ZNF43: variants seen among roughly 807,000 people sequenced by gnomAD.
The protein encoded by ZNF43 is zinc finger protein 43, also known as zinc finger protein 39-like 1 (KOX 27).
A neutral mutation model predicts 68.4 loss-of-function variants in ZNF43; 44 were observed. That is an observed-to-expected ratio of 0.64 (90% CI 0.51 to 0.83). ZNF43 has a LOEUF of 0.83. ZNF43 is among the 40% of genes least tolerant of loss of function. The pLI, the probability that ZNF43 is intolerant of heterozygous loss-of-function variation, is 0.00. For synonymous variants in ZNF43, 308 were observed against 307.8 expected, an observed-to-expected ratio of 1.00 and a Z score of -0.01; for missense variants, 896 against 933.2, an observed-to-expected ratio of 0.96 and a Z score of 0.52.
At chr19:21,826,497 G>A (rs1157944649) in intron 1 of ZNF43, 1 of 152,156 alleles carries the variant, frequency 6.6e-6, no homozygotes, top group African/African-American at 2.4e-5. Flanking sequence ...CTAAGCCTGA[G>A]CAGTGATTCA....
chr19:21,812,744 A>T (rs1352083134), intron 3 of ZNF43, among the ~76,000 whole-genome samples: 1 of 152,108 alleles, frequency 6.6e-6, no homozygotes, highest in Non-Finnish European at 1.5e-5. Context: ...ATAGGTCAGA[A>T]GTTCGAGATC....
chr19:21,828,804 C>G (rs1051891027), intron 1 of ZNF43, among the ~76,000 whole-genome samples: 22 of 150,518 alleles, frequency 1.5e-4, no homozygotes, highest in East Asian at 7.9e-4. Context: ...GAGGCCGCAG[C>G]GAGCAGATCA....
intron 1 of ZNF43, among the ~76,000 whole-genome samples, chr19:21,822,070 C>A (rs2037871551): frequency 7.5e-6 from 1 of 132,582 alleles, no homozygotes; most frequent in Admixed American, 7.7e-5. Context: ...CCAAGACCTG[C>A]AGAAAAAGTT....
chr19:21,819,892 G>A (rs767391632), intron 1 of ZNF43, among the ~76,000 whole-genome samples: 1 of 152,068 alleles, frequency 6.6e-6, no homozygotes, highest in Non-Finnish European at 1.5e-5. Flanking sequence ...ACGTACATCA[G>A]TTGCATAAAG....
At chr19:21,823,208 T>C (rs1403435487) in intron 1 of ZNF43, among the ~76,000 whole-genome samples, 2 of 152,208 alleles carry the variant, frequency 1.3e-5, no homozygotes, top group African/African-American at 2.4e-5. Context: ...ATCCAGTTGC[T>C]AGCCTAGACT....
intron 1 of ZNF43, among the ~76,000 whole-genome samples, chr19:21,834,858 A>G (rs1245461278): frequency 2.0e-5 from 3 of 152,016 alleles, no homozygotes; most frequent in African/African-American, 7.2e-5. Flanking sequence ...TTTTCAAAAA[A>G]TAATTAAAAT....
upstream of ZNF43, among the ~76,000 whole-genome samples, chr19:21,838,558 C>T (rs1367960537): frequency 6.6e-6 from 1 of 152,034 alleles, no homozygotes; most frequent in African/African-American, 2.4e-5. Context: ...CGCTACCACA[C>T]CTGGCTAATT....
Position 21,806,542 on chromosome 19 carries a change from T to C in ZNF43, c.*1065A>G, listed in dbSNP as rs1259279549. The stretch of plus-strand genomic sequence containing the variant: ...GCCCACCTAATAAAAGAATCTCTCA[T>C]ATCTTTGGTGCAGCAACAATTGGTC... On this transcript the variant is annotated 3_prime_UTR_variant, in exon 4 of 4. Transcript: ENST00000354959. 1 of 152,184 alleles carries C rather than the reference T, an allele frequency of 6.6e-6. No individual in the cohort carries two copies. The highest frequency in any genetic ancestry group is 1.5e-5 in the Non-Finnish European group (1 of 68,030). 9.4% of individuals were successfully genotyped at this position (152,184 alleles called of 1,614,324 possible). A position where few individuals can be genotyped will look rare whatever the true frequency, so the allele number is the denominator to read the frequency against.
At chr19:21,830,634 A>C (rs1396962830) in intron 1 of ZNF43, among the ~76,000 whole-genome samples, 1 of 151,808 alleles carries the variant, frequency 6.6e-6, no homozygotes, top group Admixed American at 6.6e-5. Flanking sequence ...GAAACCAATA[A>C]AAAACCAGAA....
upstream of ZNF43, among the ~76,000 whole-genome samples, chr19:21,836,392 A>C (rs1228152470): frequency 1.3e-5 from 2 of 152,256 alleles, no homozygotes; most frequent in African/African-American, 4.8e-5. Context: ...CTCCCTGAGC[A>C]GAGCAGGCCC....
chr19:21,839,823 AAAC>A (rs537550529), upstream of ZNF43: 1 of 152,354 alleles, frequency 6.6e-6, no homozygotes, highest in South Asian at 2.1e-4. Flanking sequence ...GTTCTGGGCC[AAAC>A]AATATGTCAC....
chr19:21,820,573 G>A (rs2037773198), intron 1 of ZNF43, among the ~76,000 whole-genome samples: 1 of 147,056 alleles, frequency 6.8e-6, no homozygotes, highest in Non-Finnish European at 1.5e-5. Flanking sequence ...GAAAGACTCT[G>A]TCTCAAAAAA....
At chr19:21,823,096 A>C (rs1185478595) in intron 1 of ZNF43, among the ~76,000 whole-genome samples, 2 of 152,242 alleles carry the variant, frequency 1.3e-5, no homozygotes, top group Non-Finnish European at 2.9e-5. Context: ...TGATGATATC[A>C]GAAGTCAGAA....
intron 1 of ZNF43, among the ~76,000 whole-genome samples, chr19:21,821,138 A>AT (rs74174043): frequency 0.044 from 5,232 of 118,482 alleles, 264 homozygotes; most frequent in African/African-American, 0.11. Flanking sequence ...CCCGGCTGTA[A>AT]TTTTTTTTTT....
chr19:21,818,955 C>G, intron 2 of ZNF43, 140 bp downstream of exon 2: 1 of 1,230,676 alleles, frequency 8.1e-7, no homozygotes, highest in Non-Finnish European at 1.1e-6. Context: ...CTTTAGTGCG[C>G]CAACAAATCC....
rs1189066407 is a variant in ZNF43 at position 21,806,154 on chromosome 19, AT to A, written c.*1452del. On this transcript the variant is annotated 3_prime_UTR_variant, in exon 4 of 4. Coordinates refer to ENST00000354959, the MANE Select transcript of ZNF43 (RefSeq NM_003423.4). ...AACCACAAAGAGCCTCTCCAGTTACATTTTCATCACGCATCTTTTTTTTTTT... is the reference window on the plus strand; with the variant it reads ...AACCACAAAGAGCCTCTCCAGTTACATTTCATCACGCATCTTTTTTTTTTT... The A allele has an allele frequency of 2.1e-5, 3 of 145,798 alleles. No individual in the cohort carries two copies. Among genetic ancestry groups the A allele is most frequent in the African/African-American group, 7.6e-5 (3 of 39,476 alleles). The allele number at this position is 145,798 out of a possible 1,614,324, so 9.0% of individuals were successfully genotyped here.
intron 1 of ZNF43, among the ~76,000 whole-genome samples, chr19:21,822,871 A>G (rs2037926262): frequency 6.6e-6 from 1 of 152,018 alleles, no homozygotes; most frequent in Non-Finnish European, 1.5e-5. Context: ...GGTTTTTCCT[A>G]AGCTTACCTA....
intron 3 of ZNF43, among the ~76,000 whole-genome samples, chr19:21,812,900 T>C (rs1216653550): frequency 6.6e-6 from 1 of 151,746 alleles, no homozygotes; most frequent in Non-Finnish European, 1.5e-5. Context: ...ATCACTGCAC[T>C]TCAGTCTGGG....
intron 1 of ZNF43, 85 bp from the exon 2 acceptor site, chr19:21,819,306 A>G (rs2037685967): frequency 6.9e-7 from 1 of 1,459,264 alleles, no homozygotes; most frequent in Admixed American, 2.4e-5. Flanking sequence ...TCAAGGTAAA[A>G]TGAGAGAGTA....
Sources: allele counts gnomAD v4.1 joint callset (sites outside exome capture counted in the v4.1 genomes callset), GRCh38; gene constraint gnomAD v4.1.1; transcripts MANE v1.5; gene names NCBI Gene and HGNC (gene_info 2026-07-23, HGNC 2026-07-21).